Variants in PCDHGA4 observed in about 807,000 individuals in gnomAD.
The protein encoded by PCDHGA4 is protocadherin gamma-A4.
A neutral mutation model predicts 54.6 loss-of-function variants in PCDHGA4; 38 were observed. That is an observed-to-expected ratio of 0.70 (90% CI 0.54 to 0.91). PCDHGA4 has a LOEUF of 0.91. Among genes scored for constraint, PCDHGA4 ranks in the 40% least tolerant of loss-of-function variants. The pLI is 0.00. For missense variants in PCDHGA4, 1,298 were observed against 1,220.9 expected, an observed-to-expected ratio of 1.06 and a Z score of -0.94; for synonymous variants, 511 against 512.9, an observed-to-expected ratio of 1.00 and a Z score of 0.05.
chr5:141,376,556 A>C, intron 1 of PCDHGA4: 1 of 1,611,100 alleles, frequency 6.2e-7, no homozygotes, highest in Non-Finnish European at 8.5e-7. Context: ...TCTTCCCGCA[A>C]CCCAACTAAT....
chr5:141,426,848 C>T (rs1379697529), intron 1 of PCDHGA4: 3 of 456,552 alleles, frequency 6.6e-6, no homozygotes, highest in Admixed American at 4.7e-5. Context: ...AAGGCAAGAA[C>T]GCTCCAGAAT....
chr5:141,430,639 A>T, intron 1 of PCDHGA4: 1 of 900,712 alleles, frequency 1.1e-6, no homozygotes. Flanking sequence ...CATCCCTGGG[A>T]GTATGTGGAA....
At chr5:141,483,603 A>T (rs1277479077) in intron 1 of PCDHGA4, among the ~76,000 whole-genome samples, 1 of 152,054 alleles carries the variant, frequency 6.6e-6, no homozygotes, top group Non-Finnish European at 1.5e-5. Context: ...AGGCTGGTTT[A>T]CACCTCCATC....
In PCDHGA4 at chr5:141,393,591, C is replaced by T. The variant is rs369860953; in HGVS notation, c.2514+35970C>T. On this transcript the variant is annotated intron_variant, in intron 1 of 3. Coordinates refer to ENST00000571252, the MANE Select transcript of PCDHGA4 (RefSeq NM_018917.4). ...CCTTGAGAACATGCCCCCAGGCACG[C>T]GGCTGCTTACTGTAACAGCCAGCGA... The T allele has an allele frequency of 1.8e-5, 29 of 1,613,882 alleles. No homozygotes were observed. The Middle Eastern group carries it at 4.9e-4, about 28-fold the overall frequency.
At chr5:141,446,450 T>C (rs922188307) in intron 1 of PCDHGA4, among the ~76,000 whole-genome samples, 2 of 152,018 alleles carry the variant, frequency 1.3e-5, no homozygotes, top group Non-Finnish European at 2.9e-5. Context: ...AGTGCAGATA[T>C]TCAGTGTGTG....
intron 2 of PCDHGA4, among the ~76,000 whole-genome samples, chr5:141,503,598 C>CAA (rs765754054): frequency 1.5e-4 from 10 of 65,698 alleles, no homozygotes; most frequent in African/African-American, 2.3e-4. Context: ...GACTCCAGCT[C>CAA]AAAAAAAAAA....
At chr5:141,501,470 TG>T (rs1206698871) in intron 2 of PCDHGA4, among the ~76,000 whole-genome samples, 1 of 152,068 alleles carries the variant, frequency 6.6e-6, no homozygotes, top group African/African-American at 2.4e-5. Flanking sequence ...CCCCAAATCC[TG>T]GAAGAGTCCC....
intron 1 of PCDHGA4, chr5:141,416,112 T>C (rs555358881): frequency 6.4e-6 from 1 of 156,492 alleles, no homozygotes; most frequent in Non-Finnish European, 1.4e-5. Context: ...TTTTTCAAAC[T>C]ACATTTTATA....
At chr5:141,376,521 C>T (rs567480751) in intron 1 of PCDHGA4, 5 of 1,613,810 alleles carry the variant, frequency 3.1e-6, no homozygotes, top group East Asian at 4.5e-5. Context: ...AGTTTCTTTC[C>T]GCCTAAGCGG....
intron 1 of PCDHGA4, 82 bp from the exon 2 acceptor site, chr5:141,494,725 C>T: frequency 6.2e-7 from 1 of 1,610,026 alleles, no homozygotes; most frequent in Middle Eastern, 1.7e-4. Context: ...CCCTCCTTCT[C>T]TCCCGGCCCA....
chr5:141,383,162 G>T (rs1778883191), intron 1 of PCDHGA4: 1 of 1,614,006 alleles, frequency 6.2e-7, no homozygotes, highest in Non-Finnish European at 8.5e-7. Context: ...GTCACTGCGG[G>T]CAGGATAGAC....
intron 1 of PCDHGA4, chr5:141,379,443 G>A (rs995348151): frequency 2.6e-5 from 4 of 152,168 alleles, no homozygotes; most frequent in African/African-American, 9.7e-5. Flanking sequence ...TTATACATAT[G>A]ATTATTTCAT....
At chr5:141,409,088 GAGAAAAC>G in intron 1 of PCDHGA4, 1 of 1,614,044 alleles carries the variant, frequency 6.2e-7, no homozygotes, top group Non-Finnish European at 8.5e-7. Context: ...CTCATTGGAT[GAGAAAAC>G]AGGTATGATT....
intron 1 of PCDHGA4, chr5:141,422,104 T>C: frequency 6.2e-7 from 1 of 1,607,960 alleles, no homozygotes; most frequent in Non-Finnish European, 8.5e-7. Context: ...TTCTGAAATA[T>C]TCCAATTGGA....
chr5:141,355,818 G>T lies in PCDHGA4; in HGVS notation c.711G>T (p.Ala237=). ...LERALDREEE[A]VHHLVLTAFD... Reference sequence around the variant, plus strand: ...GCGCTCTAGATCGCGAGGAAGAGGCGGTTCACCACCTCGTTCTCACGGCCT... The same window carrying T: ...GCGCTCTAGATCGCGAGGAAGAGGCTGTTCACCACCTCGTTCTCACGGCCT... Residue 237 remains alanine, a synonymous_variant, in exon 1 of 4, where the codon GCG becomes GCT. Coordinates refer to ENST00000571252, the MANE Select transcript of PCDHGA4 (RefSeq NM_018917.4). 6.2e-7 allele frequency: 1 copy of T among 1,613,008 alleles called. No homozygotes were observed. Among genetic ancestry groups the T allele is most frequent in the Non-Finnish European group, 8.5e-7 (1 of 1,179,420 alleles).
intron 1 of PCDHGA4, among the ~76,000 whole-genome samples, chr5:141,438,587 CATACATATAT>C (rs1422309749): frequency 6.8e-5 from 5 of 73,430 alleles, no homozygotes; most frequent in South Asian, 5.1e-4. Context: ...TACATACATA[CATACATATAT>C]ATATATATAT....
At chr5:141,413,025 A>G in intron 1 of PCDHGA4, 1 of 740,544 alleles carries the variant, frequency 1.4e-6, no homozygotes, top group Non-Finnish European at 2.1e-6. Context: ...CAAGCCCCAC[A>G]AACCGGCTGC....
At chr5:141,375,802 T>A (rs754541889) in intron 1 of PCDHGA4, 3 of 1,614,190 alleles carry the variant, frequency 1.9e-6, no homozygotes, top group East Asian at 2.2e-5. Flanking sequence ...ACGGTTCCAC[T>A]GGCGTGGAGC....
chr5:141,392,826 C>T, intron 1 of PCDHGA4: 1 of 1,601,188 alleles, frequency 6.2e-7, no homozygotes, highest in Non-Finnish European at 8.5e-7. Context: ...GGCCGCTCCA[C>T]AGAGTCGCCC....
Sources: gnomAD v4.1 joint callset for allele counts (sites outside exome capture counted in the v4.1 genomes callset) on GRCh38, gnomAD v4.1.1 for gene constraint, MANE v1.5 for transcripts, NCBI Gene and HGNC (gene_info 2026-07-23, HGNC 2026-07-21) for gene names.